CNTNAP2: variants seen among roughly 807,000 people sequenced by gnomAD.
CNTNAP2 encodes contactin associated protein 2.
A neutral mutation model predicts 155.2 loss-of-function variants in CNTNAP2; 98 were observed. That is an observed-to-expected ratio of 0.63 (90% CI 0.54 to 0.75). The LOEUF (loss-of-function observed/expected upper bound fraction) is 0.75, where lower values mean the gene tolerates loss of function less well. Ranked by LOEUF, CNTNAP2 falls within the 30% of genes least tolerant of loss-of-function variation. The pLI, the probability that CNTNAP2 is intolerant of heterozygous loss-of-function variation, is 0.00. For synonymous variants in CNTNAP2, 651 were observed against 631.2 expected, an observed-to-expected ratio of 1.03 and a Z score of -0.47; for missense variants, 1,727 against 1,688.1, an observed-to-expected ratio of 1.02 and a Z score of -0.40.
intron 3 of CNTNAP2, among the ~76,000 whole-genome samples, chr7:147,003,376 C>A (rs1798464637): frequency 6.6e-6 from 1 of 151,564 alleles, no homozygotes. Context: ...GGGCTATAAA[C>A]AAAAAGCGAG....
At chr7:146,545,818 C>T (rs1019076990) in intron 1 of CNTNAP2, among the ~76,000 whole-genome samples, 1 of 151,854 alleles carries the variant, frequency 6.6e-6, no homozygotes, top group Non-Finnish European at 1.5e-5. Flanking sequence ...ACCCAGCAAT[C>T]CCATTACTGG....
chr7:146,288,129 C>T (rs944939616), intron 1 of CNTNAP2, among the ~76,000 whole-genome samples: 2 of 151,546 alleles, frequency 1.3e-5, no homozygotes. Context: ...GGGACCCCGT[C>T]TCTACTAAAA....
intron 3 of CNTNAP2, among the ~76,000 whole-genome samples, chr7:146,992,639 T>C (rs10268606): frequency 0.33 from 50,657 of 151,846 alleles, 8,630 homozygotes; most frequent in African/African-American, 0.4. Flanking sequence ...ACAGGCCAAT[T>C]AGAGTTTCTC....
intron 1 of CNTNAP2, among the ~76,000 whole-genome samples, chr7:146,724,561 CTTTTTTTTTTTTTT>C (rs1000613503): frequency 4.6e-5 from 3 of 65,604 alleles, no homozygotes; most frequent in African/African-American, 6.9e-5. Flanking sequence ...TAAATCTAAA[CTTTTTTTTTTTTTT>C]TTTTTTTTTT....
At position 146,148,553 on chromosome 7, in the gene CNTNAP2, T is replaced by C. The variant is rs141627458; in HGVS notation, c.97+31580T>C. ...TAAGTAACATTGCTCTGTTTCCTAC[T>C]GATAAAGACGTGCACGCCTGATTTA... On this transcript the variant is annotated intron_variant, in intron 1 of 23. Transcript: ENST00000361727. Among the ~76,000 whole-genome samples the C allele has an allele frequency of 3.3e-3, 503 of 152,270 alleles. 2 individuals carry two copies. The highest frequency in any genetic ancestry group is 6.4e-3 in the Non-Finnish European group (432 of 68,020).
chr7:147,169,350 C>A (rs1478155947), intron 8 of CNTNAP2, among the ~76,000 whole-genome samples: 1 of 152,096 alleles, frequency 6.6e-6, no homozygotes, highest in Non-Finnish European at 1.5e-5. Context: ...TTGCATGATG[C>A]TGAGGATTGC....
intron 1 of CNTNAP2, among the ~76,000 whole-genome samples, chr7:146,230,555 A>T (rs1799366800): frequency 6.6e-6 from 1 of 152,188 alleles, no homozygotes; most frequent in African/African-American, 2.4e-5. Context: ...GAAAAGAAAA[A>T]TTTTAAAATA....
At chr7:147,610,006 T>C (rs1801151650) in intron 12 of CNTNAP2, among the ~76,000 whole-genome samples, 1 of 152,084 alleles carries the variant, frequency 6.6e-6, no homozygotes, top group African/African-American at 2.4e-5. Context: ...GTGTGAAGGG[T>C]GAGGACAATC....
intron 1 of CNTNAP2, among the ~76,000 whole-genome samples, chr7:146,424,464 C>T (rs1418882784): frequency 6.6e-6 from 1 of 152,152 alleles, no homozygotes; most frequent in Admixed American, 6.5e-5. Context: ...GAAATGTCTA[C>T]TAGGAAATCT....
At chr7:146,703,930 T>G (rs1800920200) in intron 1 of CNTNAP2, among the ~76,000 whole-genome samples, 1 of 152,144 alleles carries the variant, frequency 6.6e-6, no homozygotes, top group African/African-American at 2.4e-5. Flanking sequence ...ATTTTAATTT[T>G]TTTCTCTGAC....
chr7:147,577,060 A>G (rs1800408917), intron 12 of CNTNAP2, among the ~76,000 whole-genome samples: 1 of 152,148 alleles, frequency 6.6e-6, no homozygotes, highest in Admixed American at 6.6e-5. Flanking sequence ...AAAAGAAACT[A>G]TGTCAACATA....
intron 9 of CNTNAP2, among the ~76,000 whole-genome samples, chr7:147,347,131 C>T (rs1198423582): frequency 2.0e-5 from 3 of 152,068 alleles, no homozygotes; most frequent in Middle Eastern, 3.4e-3. Context: ...TTTTGATGAT[C>T]AACAAATCAT....
At chr7:146,983,711 C>T (rs994123690) in intron 3 of CNTNAP2, among the ~76,000 whole-genome samples, 35 of 152,122 alleles carry the variant, frequency 2.3e-4, no homozygotes, top group African/African-American at 8.0e-4. Flanking sequence ...CTGTCTGTTA[C>T]GGTACAGATA....
At chr7:146,881,755 A>ATT (rs11416504) in intron 3 of CNTNAP2, among the ~76,000 whole-genome samples, 33,985 of 123,636 alleles carry the variant, frequency 0.27, 5,047 homozygotes, top group East Asian at 0.41. Flanking sequence ...GATCCCTATA[A>ATT]TTTTTTTTTT....
Position 147,817,627 on chromosome 7 carries a change from G to A in CNTNAP2, c.2099-85938G>A, listed in dbSNP as rs143731229. On this transcript the variant is annotated intron_variant, in intron 13 of 23. Coordinates refer to ENST00000361727, the MANE Select transcript of CNTNAP2 (RefSeq NM_014141.6). ...AATTTAAAAAATAGCAAAGAAGGCC[G>A]GGCGTGGTGGCTCATGCCTGTAACC... Among the ~76,000 whole-genome samples, 306 of 152,122 alleles carry A rather than the reference G, an allele frequency of 2.0e-3. 1 individual carries two copies. Among genetic ancestry groups the A allele is most frequent in the African/African-American group, 6.6e-3 (275 of 41,518 alleles).
intron 11 of CNTNAP2, among the ~76,000 whole-genome samples, chr7:147,500,807 C>T (rs1409254057): frequency 6.6e-6 from 1 of 152,042 alleles, no homozygotes; most frequent in Non-Finnish European, 1.5e-5. Flanking sequence ...TGGTAATGTT[C>T]CTGATATATA....
At chr7:148,346,833 CCTAATA>C (rs1317852487) in intron 21 of CNTNAP2, among the ~76,000 whole-genome samples, 5 of 151,668 alleles carry the variant, frequency 3.3e-5, no homozygotes, top group Non-Finnish European at 7.4e-5. Flanking sequence ...TTTGCACCAA[CCTAATA>C]CTTAGAAAGA....
chr7:146,427,662 C>T (rs1442879179), intron 1 of CNTNAP2, among the ~76,000 whole-genome samples: 1 of 152,138 alleles, frequency 6.6e-6, no homozygotes, highest in African/African-American at 2.4e-5. Flanking sequence ...CTTTCTTTTG[C>T]CTATAGTTAC....
chr7:146,679,572 G>T (rs148132857), intron 1 of CNTNAP2, among the ~76,000 whole-genome samples: 1 of 151,894 alleles, frequency 6.6e-6, no homozygotes. Context: ...GGCCAGGCTG[G>T]TCTCGAACGC....
Sources: allele counts gnomAD v4.1 joint callset (sites outside exome capture counted in the v4.1 genomes callset), GRCh38; gene constraint gnomAD v4.1.1; transcripts MANE v1.5; gene names NCBI Gene and HGNC (gene_info 2026-07-23, HGNC 2026-07-21).